The following LYRM4 variants were observed in gnomAD, a reference collection of about 807,000 sequenced individuals.
LYRM4 encodes LYR motif-containing protein 4.
A neutral mutation model predicts 11.7 loss-of-function variants in LYRM4; 9 were observed. That is an observed-to-expected ratio of 0.77 (90% confidence interval 0.46 to 1.34). The LOEUF (loss-of-function observed/expected upper bound fraction) is 1.34. LYRM4 is among the 40% of genes most tolerant of loss of function. The pLI, the probability that LYRM4 is intolerant of heterozygous loss-of-function variation, is 0.00. For missense variants in LYRM4, 133 were observed against 112.5 expected, an observed-to-expected ratio of 1.18 and a Z score of -0.82; for synonymous variants, 42 against 40.4, an observed-to-expected ratio of 1.04 and a Z score of -0.15.
intron 2 of LYRM4, among the ~76,000 whole-genome samples, chr6:5,198,661 A>T (rs915382334): frequency 7.9e-5 from 12 of 152,186 alleles, no homozygotes; most frequent in African/African-American, 2.9e-4. Context: ...CATCTCTTAC[A>T]AGCACTGTAA....
In LYRM4 at chr6:5,260,699, A is replaced by T; in HGVS notation, c.35T>A (p.Leu12Gln). The change falls in exon 1 of 3, where the codon CTG (leucine) becomes CAG (glutamine). Residue 12 changes from leucine to glutamine, a missense_variant. Transcript: ENST00000330636. ...AASSRAQVLS[L>Q]YRAMLRESKR... ...GCTCTCTCTCAGCATCGCCCGGTAC[A>T]GAGATAACACTTGTGCGCGACTGGA... 2 of 1,551,228 alleles carry T rather than the reference A, an allele frequency of 1.3e-6. No homozygotes were observed. Among genetic ancestry groups the T allele is most frequent in the Non-Finnish European group, 1.7e-6 (2 of 1,148,624 alleles).
At chr6:5,132,418 AC>A (rs1320140594) in intron 2 of LYRM4, among the ~76,000 whole-genome samples, 9 of 152,220 alleles carry the variant, frequency 5.9e-5, no homozygotes, top group Non-Finnish European at 1.3e-4. Flanking sequence ...CTTAAAAAAA[AC>A]AAAAACAAAA....
intron 2 of LYRM4, among the ~76,000 whole-genome samples, chr6:5,206,372 T>C (rs1761698754): frequency 6.6e-6 from 1 of 152,208 alleles, no homozygotes; most frequent in African/African-American, 2.4e-5. Flanking sequence ...GAGTATTTAT[T>C]GGGCCCCCAT....
chr6:5,178,218 T>C (rs1210458075), intron 2 of LYRM4, among the ~76,000 whole-genome samples: 7 of 152,134 alleles, frequency 4.6e-5, no homozygotes, highest in Admixed American at 4.6e-4. Context: ...TGAGGGTAGA[T>C]TTTTTTGGTA....
At chr6:5,079,332 T>G in the LYRM4 span, among the ~76,000 whole-genome samples, 1 of 152,258 alleles carries the variant, frequency 6.6e-6, no homozygotes, top group Non-Finnish European at 1.5e-5. Flanking sequence ...CATCTCTGCA[T>G]AGACTTCCCA....
chr6:5,138,835 T>A, intron 2 of LYRM4: 1 of 870,778 alleles, frequency 1.1e-6, no homozygotes, highest in Non-Finnish European at 1.8e-6. Flanking sequence ...GTGCTAGAGG[T>A]GTTTAAGACA....
rs1031817287 is a variant in LYRM4 at position 5,260,889 on chromosome 6, T to A, written c.-156A>T. 2.1e-6 allele frequency: 3 copies of A among 1,402,788 alleles called. No homozygotes were observed. In the South Asian group the frequency reaches 4.6e-5, roughly 22 times the overall value. 86.9% of individuals were successfully genotyped at this position (1,402,788 alleles called of 1,614,324 possible). On this transcript the variant is annotated 5_prime_UTR_variant, in exon 1 of 3. Coordinates refer to ENST00000330636, the MANE Select transcript of LYRM4 (RefSeq NM_020408.6). ...GGGCCTAAGCCTAAGCGGGCAGCCC[T>A]GCGGATCGCGGACGGCGCCAGGCGT...
At chr6:5,130,946 T>C (rs1253342949) in intron 2 of LYRM4, among the ~76,000 whole-genome samples, 1 of 151,766 alleles carries the variant, frequency 6.6e-6, no homozygotes, top group East Asian at 1.9e-4. Context: ...AAATACATAA[T>C]AACATAAGAC....
intron 2 of LYRM4, among the ~76,000 whole-genome samples, chr6:5,130,615 A>C (rs564113764): frequency 6.6e-6 from 1 of 152,226 alleles, no homozygotes; most frequent in South Asian, 2.1e-4. Context: ...GGCTGCTTCT[A>C]AAACTGCTGA....
intron 1 of LYRM4, among the ~76,000 whole-genome samples, chr6:5,251,525 A>G (rs1488191588): frequency 2.0e-5 from 3 of 152,184 alleles, no homozygotes; most frequent in African/African-American, 4.8e-5. Flanking sequence ...GAGCAGGAGC[A>G]AGCAAGCGAG....
At chr6:5,174,779 A>T (rs563326686) in intron 2 of LYRM4, among the ~76,000 whole-genome samples, 13 of 152,300 alleles carry the variant, frequency 8.5e-5, no homozygotes, top group South Asian at 4.1e-4. Context: ...CTCTCTTTTG[A>T]ACAGATGTTG....
intron 1 of LYRM4, among the ~76,000 whole-genome samples, chr6:5,251,690 G>T (rs1581603173): frequency 6.6e-6 from 1 of 152,244 alleles, no homozygotes; most frequent in East Asian, 1.9e-4. Flanking sequence ...CCAACACGGG[G>T]GATTGCATTT....
chr6:5,034,609 G>A, the LYRM4 span: 5 of 152,746 alleles, frequency 3.3e-5, no homozygotes, highest in African/African-American at 4.8e-5. Context: ...GCTCCCCTGC[G>A]CCTTCTGCCA....
At chr6:5,066,697 G>A in the LYRM4 span, 1 of 908,640 alleles carries the variant, frequency 1.1e-6, no homozygotes, top group Admixed American at 1.9e-5. Flanking sequence ...AATAGGTGTG[G>A]AGGTCTATTT....
intron 1 of LYRM4, among the ~76,000 whole-genome samples, chr6:5,245,156 ATATAT>A (rs1561899224): frequency 3.6e-4 from 37 of 102,302 alleles, no homozygotes; most frequent in African/African-American, 1.0e-3. Context: ...ATATATATAT[ATATAT>A]ATAAAATAGG....
In LYRM4 at chr6:5,108,432, A is replaced by G. The variant is rs1762731069; in HGVS notation, c.*991T>C. ...TGTTTCCAAGAATAAAAGCATACAA[A>G]CAATATCTTTATTACCTGTAATATA... On this transcript the variant is annotated 3_prime_UTR_variant, in exon 3 of 3. Coordinates refer to ENST00000330636, the MANE Select transcript of LYRM4 (RefSeq NM_020408.6). 1 of 976,786 alleles carries G rather than the reference A, an allele frequency of 1.0e-6. No homozygotes were observed. The highest frequency in any genetic ancestry group is 1.8e-5 in the African/African-American group (1 of 57,092). 60.5% of individuals were successfully genotyped at this position (976,786 alleles called of 1,614,324 possible).
chr6:5,135,051 C>T (rs796583144), intron 2 of LYRM4, among the ~76,000 whole-genome samples: 8 of 76,580 alleles, frequency 1.0e-4, no homozygotes, highest in Non-Finnish European at 1.6e-4. Flanking sequence ...GTGGAGGGTG[C>T]GGATCGCTCC....
chr6:5,171,498 G>A (rs1759424617), intron 2 of LYRM4, among the ~76,000 whole-genome samples: 1 of 152,188 alleles, frequency 6.6e-6, no homozygotes, highest in African/African-American at 2.4e-5. Context: ...ATGATTCCTG[G>A]TGTGTGTGTT....
chr6:5,076,244 C>G, the LYRM4 span, among the ~76,000 whole-genome samples: 3 of 150,270 alleles, frequency 2.0e-5, no homozygotes, highest in African/African-American at 7.5e-5. Context: ...CTGCGCCCAG[C>G]TATTTTTTTT....
Sources: allele counts gnomAD v4.1 joint callset (sites outside exome capture counted in the v4.1 genomes callset), GRCh38; gene constraint gnomAD v4.1.1; transcripts MANE v1.5; gene names NCBI Gene and HGNC (gene_info 2026-07-23, HGNC 2026-07-21).